Variants in NEGR1 observed in about 807,000 individuals in gnomAD.
The protein encoded by NEGR1 is neuronal growth regulator 1, also known as IgLON family member 4.
NEGR1 carries 10 observed loss-of-function variants against 40.9 expected under a neutral mutation model. That is an observed-to-expected ratio of 0.24 (90% CI 0.15 to 0.42). The LOEUF is 0.42. NEGR1 is among the 10% of genes least tolerant of loss of function. The probability of loss-of-function intolerance (pLI) is 1.00; values close to 1 mark genes in which losing one functional copy is unlikely to be tolerated. For missense variants in NEGR1, 352 were observed against 438.9 expected, an observed-to-expected ratio of 0.80 and a Z score of 1.77; for synonymous variants, 185 against 166.8, an observed-to-expected ratio of 1.11 and a Z score of -0.84.
chr1:71,979,007 T>A (rs2801320), intron 1 of NEGR1, among the ~76,000 whole-genome samples: 5 of 151,812 alleles, frequency 3.3e-5, no homozygotes, highest in Non-Finnish European at 7.4e-5. Context: ...ATATACACTA[T>A]AAAATACTAA....
chr1:71,569,750 G>T (rs1648750219), intron 6 of NEGR1, among the ~76,000 whole-genome samples: 1 of 152,158 alleles, frequency 6.6e-6, no homozygotes, highest in Non-Finnish European at 1.5e-5. Context: ...GCTGGCAAAA[G>T]AAGACAGAAA....
intron 1 of NEGR1, among the ~76,000 whole-genome samples, chr1:72,208,385 T>C (rs1653484999): frequency 6.6e-6 from 1 of 151,750 alleles, no homozygotes; most frequent in Admixed American, 6.6e-5. Context: ...TGAATAGAAA[T>C]GGGACTCAGT....
intron 1 of NEGR1, among the ~76,000 whole-genome samples, chr1:72,119,063 A>G (rs1000637147): frequency 2.0e-4 from 30 of 151,820 alleles, no homozygotes; most frequent in African/African-American, 6.8e-4. Flanking sequence ...CCAAGATAAA[A>G]ATATTAACTG....
intron 3 of NEGR1, among the ~76,000 whole-genome samples, chr1:71,722,436 T>C (rs1654539643): frequency 6.6e-6 from 1 of 152,088 alleles, no homozygotes; most frequent in African/African-American, 2.4e-5. Flanking sequence ...ATGATCTCTG[T>C]CATTAAGGGT....
At chr1:71,417,351 G>A (rs1462035744) in intron 6 of NEGR1, among the ~76,000 whole-genome samples, 2 of 151,578 alleles carry the variant, frequency 1.3e-5, no homozygotes, top group East Asian at 3.9e-4. Context: ...ATTGGGATGA[G>A]GTTTTACTAT....
chr1:71,402,313 T>C lies in NEGR1; in HGVS notation c.*5133A>G, dbSNP rs1646251872. On this transcript the variant is annotated 3_prime_UTR_variant, in exon 7 of 7. Coordinates refer to ENST00000357731, the MANE Select transcript of NEGR1 (RefSeq NM_173808.3). The stretch of plus-strand genomic sequence containing the variant: ...CTTGCAAAAGTGCTCCATTGTAAAA[T>C]GCAAAGGAGAGGTAGTTGTGACCCT... 1 of 152,148 alleles carries C rather than the reference T, an allele frequency of 6.6e-6. No homozygotes were observed. Among genetic ancestry groups the C allele is most frequent in the African/African-American group, 2.4e-5 (1 of 41,446 alleles). The allele number at this position is 152,148 out of a possible 1,614,324, so 9.4% of individuals were successfully genotyped here. A position where few individuals can be genotyped will look rare whatever the true frequency, so the allele number is the denominator to read the frequency against.
chr1:71,849,039 A>G (rs1170658214), intron 2 of NEGR1, among the ~76,000 whole-genome samples: 1 of 151,808 alleles, frequency 6.6e-6, no homozygotes, highest in African/African-American at 2.4e-5. Flanking sequence ...CAGTGAGCCG[A>G]GATTGTGCCA....
intron 1 of NEGR1, among the ~76,000 whole-genome samples, chr1:72,154,442 C>T (rs1651284506): frequency 6.6e-6 from 1 of 151,960 alleles, no homozygotes; most frequent in Non-Finnish European, 1.5e-5. Flanking sequence ...GGAAAGCTCT[C>T]ACTTTCCTTC....
At chr1:72,189,181 T>A (rs1416845758) in intron 1 of NEGR1, among the ~76,000 whole-genome samples, 1 of 151,512 alleles carries the variant, frequency 6.6e-6, no homozygotes, top group Admixed American at 6.6e-5. Flanking sequence ...ATTTTCCTTT[T>A]AAATATGTAA....
At chr1:71,770,843 C>T (rs1001536577) in intron 3 of NEGR1, among the ~76,000 whole-genome samples, 6 of 152,192 alleles carry the variant, frequency 3.9e-5, no homozygotes, top group Non-Finnish European at 8.8e-5. Context: ...CACTTTTATA[C>T]TGTTGGTGGG....
intron 4 of NEGR1, among the ~76,000 whole-genome samples, chr1:71,671,610 A>T (rs1652433774): frequency 6.6e-6 from 1 of 152,098 alleles, no homozygotes; most frequent in Non-Finnish European, 1.5e-5. Context: ...GTTCATCACA[A>T]TCTCAACTCC....
intron 2 of NEGR1, among the ~76,000 whole-genome samples, chr1:71,848,143 G>A (rs1006646437): frequency 6.6e-6 from 1 of 152,162 alleles, no homozygotes; most frequent in Admixed American, 6.6e-5. Context: ...AGAGAAAAAA[G>A]TTGGAAGCTA....
intron 2 of NEGR1, among the ~76,000 whole-genome samples, chr1:71,785,442 G>GT (rs11291984): frequency 2.2e-3 from 327 of 147,504 alleles, no homozygotes; most frequent in East Asian, 0.021. Context: ...TAATAATGAG[G>GT]TTTTTTTTTT....
intron 2 of NEGR1, among the ~76,000 whole-genome samples, chr1:71,782,375 T>G (rs1420811154): frequency 6.6e-6 from 1 of 152,172 alleles, no homozygotes; most frequent in Non-Finnish European, 1.5e-5. Flanking sequence ...TTATAGCGCC[T>G]GAATGTACTA....
intron 1 of NEGR1, among the ~76,000 whole-genome samples, chr1:72,200,329 T>C (rs182126398): frequency 2.0e-4 from 30 of 152,088 alleles, no homozygotes; most frequent in Admixed American, 1.8e-3. Context: ...TGAAATACTA[T>C]GTAGCCATAA....
At chr1:71,744,169 T>A (rs1320678635) in intron 3 of NEGR1, among the ~76,000 whole-genome samples, 1 of 151,762 alleles carries the variant, frequency 6.6e-6, no homozygotes, top group Non-Finnish European at 1.5e-5. Context: ...ACACGAAGTT[T>A]AGGAGAATGA....
At chr1:72,024,399 T>C (rs1264676940) in intron 1 of NEGR1, among the ~76,000 whole-genome samples, 1 of 152,108 alleles carries the variant, frequency 6.6e-6, no homozygotes, top group African/African-American at 2.4e-5. Flanking sequence ...CATTTATTGT[T>C]GTTTACTCAA....
At chr1:71,729,399 A>G (rs994604450) in intron 3 of NEGR1, among the ~76,000 whole-genome samples, 2 of 152,120 alleles carry the variant, frequency 1.3e-5, no homozygotes, top group Non-Finnish European at 2.9e-5. Flanking sequence ...GCCACCTTAT[A>G]TTATATAATG....
At chr1:71,762,998 A>G (rs2422032) in intron 3 of NEGR1, among the ~76,000 whole-genome samples, 5,113 of 152,136 alleles carry the variant, frequency 0.034, 238 homozygotes, top group African/African-American at 0.11. Context: ...TTAGAACACC[A>G]GGAAGGAAGA....
Sources: gnomAD v4.1 joint callset for allele counts (sites outside exome capture counted in the v4.1 genomes callset) on GRCh38, gnomAD v4.1.1 for gene constraint, MANE v1.5 for transcripts, NCBI Gene and HGNC (gene_info 2026-07-23, HGNC 2026-07-21) for gene names.